Variants in NOSTRIN observed in about 807,000 individuals in gnomAD.
The protein encoded by NOSTRIN is nitric oxide synthase trafficking, also known as BM247 homolog.
Under a neutral mutation model 59.0 loss-of-function variants are expected in NOSTRIN, and 63 were observed. That is an observed-to-expected ratio of 1.07 (90% confidence interval 0.87 to 1.32). The LOEUF (loss-of-function observed/expected upper bound fraction) is 1.32, where lower values mean the gene tolerates loss of function less well. NOSTRIN is among the 40% of genes most tolerant of loss of function. The probability of loss-of-function intolerance (pLI) is 0.00; values close to 1 mark genes in which losing one functional copy is unlikely to be tolerated. For missense variants in NOSTRIN, 512 were observed against 473.1 expected, an observed-to-expected ratio of 1.08 and a Z score of -0.76; for synonymous variants, 200 against 165.4, an observed-to-expected ratio of 1.21 and a Z score of -1.61.
chr2:168,840,529 C>CAAAAAAAAAAAAA (rs59235003), intron 7 of NOSTRIN, among the ~76,000 whole-genome samples: 12 of 99,324 alleles, frequency 1.2e-4, no homozygotes, highest in Non-Finnish European at 1.8e-4. Context: ...GACTCCATCT[C>CAAAAAAAAAAAAA]AAAAAAAAAA....
At chr2:168,802,374 T>C, upstream of NOSTRIN, 1 of 416,646 alleles carries the variant, frequency 2.4e-6, no homozygotes, top group Non-Finnish European at 4.5e-6. Context: ...AATGTTACGC[T>C]GTTCAGGACT....
chr2:168,811,937 T>A (rs1484736858), intron 2 of NOSTRIN: 1 of 242,592 alleles, frequency 4.1e-6, no homozygotes, highest in Non-Finnish European at 7.9e-6. Flanking sequence ...CACTGTTGGA[T>A]CTGATGCATA....
At chr2:168,786,884 C>T (rs1440320682) in intron 1 of NOSTRIN, 1 of 152,160 alleles carries the variant, frequency 6.6e-6, no homozygotes, top group Non-Finnish European at 1.5e-5. Flanking sequence ...CCCGCCATCA[C>T]ACCTGGCTAA....
chr2:168,831,369 A>G (rs1687351314), intron 5 of NOSTRIN, 103 bp from the exon 6 acceptor site: 1 of 686,760 alleles, frequency 1.5e-6, no homozygotes, highest in Non-Finnish European at 2.7e-6. Context: ...CATTGAGGGA[A>G]TAGGTTTCAA....
At chr2:168,864,379 C>T (rs544570747) in intron 15 of NOSTRIN, among the ~76,000 whole-genome samples, 8 of 151,010 alleles carry the variant, frequency 5.3e-5, no homozygotes, top group South Asian at 2.1e-4. Flanking sequence ...CTCTGCCTCC[C>T]GGGTTCAAGG....
intron 2 of NOSTRIN, among the ~76,000 whole-genome samples, chr2:168,823,740 C>A (rs1686898066): frequency 6.6e-6 from 1 of 152,110 alleles, no homozygotes; most frequent in South Asian, 2.1e-4. Flanking sequence ...TTGGGAGACA[C>A]AATTCAACCC....
chr2:168,797,871 T>C (rs1277915902), upstream of NOSTRIN, among the ~76,000 whole-genome samples: 2 of 152,060 alleles, frequency 1.3e-5, no homozygotes, highest in Admixed American at 6.5e-5. Flanking sequence ...CATATCTACC[T>C]CAAATGATAA....
upstream of NOSTRIN, among the ~76,000 whole-genome samples, chr2:168,798,811 ATC>A (rs1349937437): frequency 1.6e-4 from 11 of 70,744 alleles, no homozygotes; most frequent in Admixed American, 5.7e-4. Flanking sequence ...CGATCGATCG[ATC>A]GATAGATAGA....
intron 12 of NOSTRIN, among the ~76,000 whole-genome samples, chr2:168,858,338 C>T (rs1689242568): frequency 1.3e-5 from 2 of 152,016 alleles, no homozygotes; most frequent in Non-Finnish European, 2.9e-5. Context: ...TACGCATGCT[C>T]TGCATCTGGG....
chr2:168,850,561 G>A (rs920463682), intron 8 of NOSTRIN, among the ~76,000 whole-genome samples: 4 of 151,592 alleles, frequency 2.6e-5, no homozygotes, highest in African/African-American at 9.7e-5. Context: ...ATGGATATGG[G>A]CTTTCCTGGG....
At chr2:168,822,231 C>T (rs1422575663) in intron 2 of NOSTRIN, among the ~76,000 whole-genome samples, 1 of 152,194 alleles carries the variant, frequency 6.6e-6, no homozygotes, top group Non-Finnish European at 1.5e-5. Flanking sequence ...TTCCTTATGC[C>T]TGGGCAAATT....
At chr2:168,790,529 C>T (rs542588992) in intron 2 of NOSTRIN, among the ~76,000 whole-genome samples, 5 of 152,268 alleles carry the variant, frequency 3.3e-5, no homozygotes, top group South Asian at 4.1e-4. Context: ...GCCAAAGATA[C>T]GAAACCTGAA....
upstream of NOSTRIN, chr2:168,801,155 G>A (rs924284963): frequency 6.6e-6 from 1 of 151,994 alleles, no homozygotes; most frequent in Non-Finnish European, 1.5e-5. Flanking sequence ...CAAAGAGGGA[G>A]GGCATTAAGT....
At chr2:168,847,417 A>C (rs1415333684) in intron 8 of NOSTRIN, among the ~76,000 whole-genome samples, 1 of 152,228 alleles carries the variant, frequency 6.6e-6, no homozygotes, top group Admixed American at 6.5e-5. Context: ...CCTCTGAATC[A>C]ATCAGAGCCT....
At chr2:168,848,304 C>T in intron 8 of NOSTRIN, among the ~76,000 whole-genome samples, 1 of 152,194 alleles carries the variant, frequency 6.6e-6, no homozygotes, top group East Asian at 1.9e-4. Flanking sequence ...ATGACTGGTG[C>T]CTGCAATTTT....
chr2:168,864,293 T>A (rs1392375614), intron 15 of NOSTRIN, among the ~76,000 whole-genome samples: 2 of 151,430 alleles, frequency 1.3e-5, no homozygotes, highest in Non-Finnish European at 2.9e-5. Flanking sequence ...CTGTTTTTTT[T>A]TTTCTGAGAC....
At chr2:168,799,432 G>A (rs1013586309), upstream of NOSTRIN, among the ~76,000 whole-genome samples, 1 of 152,158 alleles carries the variant, frequency 6.6e-6, no homozygotes. Flanking sequence ...GGGGACTGGA[G>A]GAATTCTCAC....
Position 168,864,917 on chromosome 2 carries a change from G to T in NOSTRIN, c.1468G>T (p.Ala490Ser). 2 of 1,614,082 alleles carry T rather than the reference G, an allele frequency of 1.2e-6. No individual in the cohort carries two copies. Among genetic ancestry groups the T allele is most frequent in the Non-Finnish European group, 1.7e-6 (2 of 1,179,996 alleles). The change falls in exon 16 of 16, where the codon GCT becomes TCT. Residue 490 changes from alanine to serine, a missense_variant. By Grantham distance (99) the Ala-to-Ser change is moderately conservative (BLOSUM62 1). Coordinates refer to ENST00000317647, the MANE Select transcript of NOSTRIN (RefSeq NM_001039724.4). ...TGGGAAAAAAGGCCATTTTCCTGCC[G>T]CTTATGTGGAGGAGTTACCTTCAAA... ...LNGKKGHFPA[A>S]YVEELPSNAG...
chr2:168,798,566 C>CCAGGAAGG (rs1226673274), upstream of NOSTRIN, among the ~76,000 whole-genome samples: 2 of 152,016 alleles, frequency 1.3e-5, no homozygotes, highest in African/African-American at 4.8e-5. Context: ...AGAGGCCATA[C>CCAGGAAGG]CAGGAAGGCA....
Sources: allele counts gnomAD v4.1 joint callset (sites outside exome capture counted in the v4.1 genomes callset), GRCh38; gene constraint gnomAD v4.1.1; transcripts MANE v1.5; gene names NCBI Gene and HGNC (gene_info 2026-07-23, HGNC 2026-07-21).